ISM2: variants seen among roughly 807,000 people sequenced by gnomAD.
ISM2 encodes isthmin 2, also known as isthmin-2.
Under a neutral mutation model 58.0 loss-of-function variants are expected in ISM2, and 50 were observed. The ratio of observed to expected loss-of-function variants is 0.86; its 90% CI spans 0.69 to 1.09. The LOEUF (loss-of-function observed/expected upper bound fraction) is 1.09, where lower values mean the gene tolerates loss of function less well. Among genes scored for constraint, ISM2 ranks in the 50% least tolerant of loss-of-function variants. ISM2 has a pLI of 0.00. For missense variants in ISM2, 723 were observed against 745.0 expected (o/e 0.97, Z 0.34); for synonymous variants, 303 against 312.4 (o/e 0.97, Z 0.32).
chr14:77,489,006 A>T (rs2079184751), intron 1 of ISM2, among the ~76,000 whole-genome samples: 1 of 152,080 alleles, frequency 6.6e-6, no homozygotes, highest in Non-Finnish European at 1.5e-5. Flanking sequence ...CCAAATAGAG[A>T]TACATCTGAG....
chr14:77,485,070 T>C, intron 1 of ISM2, 151 bp from the exon 2 acceptor site: 1 of 818,020 alleles, frequency 1.2e-6, no homozygotes, highest in East Asian at 2.6e-5. Flanking sequence ...TGTGTATCTG[T>C]AGTGTAAAAT....
At chr14:77,485,869 C>T (rs1356545562) in intron 1 of ISM2, among the ~76,000 whole-genome samples, 1 of 152,226 alleles carries the variant, frequency 6.6e-6, no homozygotes, top group Non-Finnish European at 1.5e-5. Flanking sequence ...AGCTTGGGTT[C>T]AAATCCCATC....
intron 1 of ISM2, among the ~76,000 whole-genome samples, chr14:77,488,314 C>T (rs193007435): frequency 2.1e-4 from 32 of 152,254 alleles, no homozygotes; most frequent in African/African-American, 7.2e-4. Flanking sequence ...AGGGTAGGGA[C>T]TTATGTAAGG....
chr14:77,486,596 A>G (rs1180806407), intron 1 of ISM2, among the ~76,000 whole-genome samples: 1 of 150,792 alleles, frequency 6.6e-6, no homozygotes, highest in African/African-American at 2.4e-5. Context: ...CCAAAGCCCT[A>G]ACTGTGCCTG....
At chr14:77,491,350 G>C (rs1200203617) in intron 1 of ISM2, among the ~76,000 whole-genome samples, 1 of 152,238 alleles carries the variant, frequency 6.6e-6, no homozygotes, top group Non-Finnish European at 1.5e-5. Context: ...AGTCTTTGCA[G>C]ACTGGAAGAA....
At position 77,498,716 on chromosome 14, in the gene ISM2, C is replaced by T; in HGVS notation, c.78G>A (p.Gly26=). ...GGAGCCGCGGCTTCTTCACGGGGAG[C>T]CCTAGCGCCGCCTCCAGCAGCGCCG... The part of the protein sequence containing the change: ...LLAALLEAAL[G]LPVKKPRLRG... Residue 26 remains glycine, a synonymous_variant, in exon 1 of 7, where the codon GGG becomes GGA. Coordinates refer to ENST00000342219, the MANE Select transcript of ISM2 (RefSeq NM_199296.3). 6.7e-7 allele frequency: 1 copy of T among 1,484,914 alleles called. No individual in the cohort carries two copies. The highest frequency in any genetic ancestry group is 8.9e-7 in the Non-Finnish European group (1 of 1,125,902). The allele number at this position is 1,484,914 out of a possible 1,614,324, so 92.0% of individuals were successfully genotyped here.
At chr14:77,498,144 A>G in intron 1 of ISM2, 3 of 689,928 alleles carry the variant, frequency 4.3e-6, no homozygotes, top group Non-Finnish European at 6.3e-6. Flanking sequence ...ACGAGGACAG[A>G]GCCAGTCTCA....
At chr14:77,497,565 A>T (rs554860695) in intron 1 of ISM2, among the ~76,000 whole-genome samples, 2 of 151,082 alleles carry the variant, frequency 1.3e-5, no homozygotes, top group Admixed American at 1.3e-4. Flanking sequence ...GTGGTGGTGC[A>T]TGCCTGCGCT....
chr14:77,497,790 G>A (rs542079083), intron 1 of ISM2, among the ~76,000 whole-genome samples: 2 of 134,370 alleles, frequency 1.5e-5, no homozygotes, highest in African/African-American at 6.6e-5. Context: ...AAGGAAGGAA[G>A]GAAGGAAGGA....
At position 77,484,169 on chromosome 14, in the gene ISM2, C is replaced by T. The variant is rs910888078; in HGVS notation, c.627+154G>A. ...AGAGGGGCAGGTCCTCTGCCCCCTA[C>T]ACCACAGGGAGAGCATGGGGAGCCT... On this transcript the variant is annotated intron_variant, in intron 3 of 6. Coordinates refer to ENST00000342219, the MANE Select transcript of ISM2 (RefSeq NM_199296.3). 22 of 972,430 alleles carry T rather than the reference C, an allele frequency of 2.3e-5. 1 individual carries two copies. Among genetic ancestry groups the T allele is most frequent in the Middle Eastern group, 5.6e-4 (2 of 3,600 alleles). 60.2% of individuals were successfully genotyped at this position (972,430 alleles called of 1,614,324 possible).
intron 4 of ISM2, among the ~76,000 whole-genome samples, chr14:77,480,548 CTTTTTTTT>C (rs537228308): frequency 1.7e-4 from 14 of 84,830 alleles, no homozygotes; most frequent in East Asian, 7.2e-4. Context: ...AAATTTTTTC[CTTTTTTTT>C]TTTTTTTTTT....
In ISM2 at chr14:77,484,778, TG is replaced by T; in HGVS notation, c.282del (p.Thr95ProfsTer26). On this transcript the variant is annotated frameshift_variant, in exon 2 of 7. Coordinates refer to ENST00000342219, the MANE Select transcript of ISM2 (RefSeq NM_199296.3). LOFTEE classifies it high-confidence loss of function. ...GTAACCTCTGGGGTCCTGGGAGGGG[TG>T]GCGTTGCCTGGGGTCATGGCTGCTG... Reference protein sequence around the residue: ...TEPAAMTPGNATPPRTPEVTP... With the variant: ...TEPAAMTPGNXTPPRTPEVTP... 6.2e-7 allele frequency: 1 copy of T among 1,611,074 alleles called. No individual in the cohort carries two copies.
intron 1 of ISM2, among the ~76,000 whole-genome samples, chr14:77,488,144 G>T (rs2139966688): frequency 6.6e-6 from 1 of 152,332 alleles, no homozygotes; most frequent in South Asian, 2.1e-4. Context: ...GACAGGAATT[G>T]TGTCTGCTTT....
Position 77,485,149 on chromosome 14 carries a change from A to G in ISM2, c.142-230T>C, listed in dbSNP as rs143005451. Among the ~76,000 whole-genome samples the G allele has an allele frequency of 6.9e-3, 1,054 of 152,320 alleles. 12 individuals carry two copies. The highest frequency in any genetic ancestry group is 0.024 in the African/African-American group (993 of 41,566). On this transcript the variant is annotated intron_variant, in intron 1 of 6. Transcript: ENST00000342219. ...TGTAGCTGGTCAGACAGTGGACTGT[A>G]TCCACAAAGTGCTTTCACAGAGGAT...
At chr14:77,489,004 A>T (rs2079184739) in intron 1 of ISM2, among the ~76,000 whole-genome samples, 1 of 152,142 alleles carries the variant, frequency 6.6e-6, no homozygotes. Flanking sequence ...GCCCAAATAG[A>T]GATACATCTG....
At chr14:77,498,474 T>G in intron 1 of ISM2, 179 bp downstream of exon 1, 1 of 1,183,900 alleles carries the variant, frequency 8.4e-7, no homozygotes, top group East Asian at 2.7e-5. Context: ...AGCCCCGAAG[T>G]CCGGCGCACC....
At chr14:77,476,458 T>C (rs1050753452) in intron 6 of ISM2, among the ~76,000 whole-genome samples, 3 of 152,136 alleles carry the variant, frequency 2.0e-5, no homozygotes, top group African/African-American at 7.2e-5. Flanking sequence ...GGATCTGGGG[T>C]GAGTGGAGAC....
intron 4 of ISM2, among the ~76,000 whole-genome samples, chr14:77,480,246 AC>A (rs1246627923): frequency 6.6e-6 from 1 of 151,344 alleles, no homozygotes; most frequent in Non-Finnish European, 1.5e-5. Flanking sequence ...TGATCATGCT[AC>A]TGCACTCCAG....
intron 4 of ISM2, among the ~76,000 whole-genome samples, chr14:77,480,588 C>G (rs1439710254): frequency 1.6e-5 from 2 of 128,572 alleles, no homozygotes; most frequent in African/African-American, 5.9e-5. Flanking sequence ...GACAGGGTCT[C>G]GCTCTGTCAC....
Sources: gnomAD v4.1 joint callset for allele counts (sites outside exome capture counted in the v4.1 genomes callset) on GRCh38, gnomAD v4.1.1 for gene constraint, MANE v1.5 for transcripts, NCBI Gene and HGNC (gene_info 2026-07-23, HGNC 2026-07-21) for gene names.